TMEM116: variants seen among roughly 807,000 people sequenced by gnomAD.
TMEM116 encodes the protein transmembrane protein 116.
Under a neutral mutation model 44.3 loss-of-function variants are expected in TMEM116, and 38 were observed. The ratio of observed to expected loss-of-function variants is 0.86; its 90% CI spans 0.66 to 1.12. TMEM116 has a LOEUF of 1.12. Ranked by LOEUF, TMEM116 falls within the 50% of genes most tolerant of loss-of-function variation. The pLI is 0.00. For missense variants in TMEM116, 354 were observed against 401.7 expected (o/e 0.88, Z 1.01); for synonymous variants, 132 against 144.8 (o/e 0.91, Z 0.64).
intron 8 of TMEM116, chr12:111,936,228 G>A (rs2136231941): frequency 6.6e-6 from 1 of 152,600 alleles, no homozygotes; most frequent in Admixed American, 6.5e-5. Flanking sequence ...ATGAGTATCT[G>A]AAAACTTCAT....
intron 4 of TMEM116, among the ~76,000 whole-genome samples, chr12:111,952,366 C>T (rs1057382366): frequency 6.6e-6 from 1 of 152,104 alleles, no homozygotes; most frequent in Non-Finnish European, 1.5e-5. Context: ...AACAAAAAGT[C>T]TAAGATATTA....
intron 4 of TMEM116, among the ~76,000 whole-genome samples, chr12:111,990,260 A>T (rs910029757): frequency 7.0e-6 from 1 of 142,500 alleles, no homozygotes; most frequent in African/African-American, 2.7e-5. Flanking sequence ...GCCTCAAAAA[A>T]AAAAAAAAAG....
intron 1 of TMEM116, chr12:112,006,029 C>G (rs531618226): frequency 1.0e-6 from 1 of 980,020 alleles, no homozygotes; most frequent in Non-Finnish European, 1.2e-6. Flanking sequence ...CTTGAGCAGC[C>G]GATCCTTCCT....
At chr12:111,974,475 C>A (rs1386710192) in intron 4 of TMEM116, among the ~76,000 whole-genome samples, 1 of 151,852 alleles carries the variant, frequency 6.6e-6, no homozygotes, top group East Asian at 1.9e-4. Flanking sequence ...CATGGTAAAA[C>A]CCTGTCTCTA....
At chr12:111,941,527 C>A (rs994554308) in intron 5 of TMEM116, among the ~76,000 whole-genome samples, 3 of 152,052 alleles carry the variant, frequency 2.0e-5, no homozygotes, top group African/African-American at 7.2e-5. Context: ...ATTTAAAATT[C>A]AATTCCTCAA....
intron 3 of TMEM116, among the ~76,000 whole-genome samples, chr12:111,999,089 G>A (rs890193682): frequency 3.3e-5 from 5 of 151,626 alleles, no homozygotes; most frequent in African/African-American, 1.2e-4. Flanking sequence ...TATAATATAG[G>A]TCATGCTCTT....
rs543873887 is a variant in TMEM116, at chr12:111,943,302, A to G, written c.278T>C (p.Met93Thr). The G allele has an allele frequency of 6.2e-7, 1 of 1,614,052 alleles. No individual in the cohort carries two copies. The change falls in exon 5 of 11, where the codon ATG becomes ACG. Residue 93 changes from methionine to threonine, a missense_variant. Physicochemically the swap from Met to Thr is moderately conservative, Grantham distance 81. Transcript: ENST00000552374. ...YIWYLYTELR[M>T]KHTQSGQSTS... ...GCTCTGTCCACTCTGGGTGTGTTTCATCCTCAGCTCTGTGTACAAATACCA... is the reference window on the plus strand; with the variant it reads ...GCTCTGTCCACTCTGGGTGTGTTTCGTCCTCAGCTCTGTGTACAAATACCA...
Position 111,931,722 on chromosome 12 carries a change from G to C in TMEM116, c.913C>G (p.Gln305Glu), listed in dbSNP as rs765693215. 6.2e-7 allele frequency: 1 copy of C among 1,613,650 alleles called. No homozygotes were observed. Among genetic ancestry groups the C allele is most frequent in the East Asian group, 2.2e-5 (1 of 44,874 alleles). The change falls in exon 11 of 11, where the codon CAG (glutamine) becomes GAG (glutamate). Residue 305 changes from glutamine (Q) to glutamate (E), a missense_variant. Transcript: ENST00000552374. ...KQEARRDADT[Q>E]TPLLCSQKRF... is the part of the protein sequence containing the mutation. ...TTCTGTGAGCATAATAATGGTGTCTGGGTATCTGCATCACGCCGAGCCTCC... is the reference window on the plus strand; with the variant it reads ...TTCTGTGAGCATAATAATGGTGTCTCGGTATCTGCATCACGCCGAGCCTCC...
chr12:111,965,942 T>C (rs1483689772), intron 4 of TMEM116, among the ~76,000 whole-genome samples: 1 of 150,252 alleles, frequency 6.7e-6, no homozygotes. Flanking sequence ...TCTCAATAAA[T>C]AAATAAATAA....
intron 5 of TMEM116, among the ~76,000 whole-genome samples, chr12:111,942,768 A>ATG (rs559680771): frequency 2.0e-3 from 301 of 149,592 alleles, no homozygotes; most frequent in Non-Finnish European, 3.6e-3. Context: ...CTGTATGTGT[A>ATG]TGTGTGTGTG....
intron 1 of TMEM116, among the ~76,000 whole-genome samples, chr12:112,010,057 CCCT>C (rs141985327): frequency 0.015 from 2,209 of 152,272 alleles, 60 homozygotes; most frequent in African/African-American, 0.05. Flanking sequence ...CTTCAAGACT[CCCT>C]CCTATCTGAG....
intron 3 of TMEM116, chr12:111,993,194 C>A: frequency 2.2e-5 from 8 of 356,844 alleles, no homozygotes; most frequent in Admixed American, 9.5e-5. Context: ...CATTGTGTGG[C>A]TCTCGTGGGG....
In TMEM116 at chr12:111,938,148, G is replaced by GA; in HGVS notation, c.365+12dup. On this transcript the variant is annotated intron_variant, in intron 6 of 10. Coordinates refer to ENST00000552374, the MANE Select transcript of TMEM116 (RefSeq NM_001193531.2). ...AGTCTACACCTCGCTAAGAAGTAAA[G>GA]AAAAAATTTTACCTTGAGAAAACAA... 2 of 1,585,356 alleles carry GA rather than the reference G, an allele frequency of 1.3e-6. No homozygotes were observed. Among genetic ancestry groups the GA allele is most frequent in the Non-Finnish European group, 1.7e-6 (2 of 1,163,344 alleles).
chr12:112,008,338 G>A (rs1200424313), intron 1 of TMEM116, among the ~76,000 whole-genome samples: 1 of 152,054 alleles, frequency 6.6e-6, no homozygotes, highest in African/African-American at 2.4e-5. Context: ...AAAATTAGCT[G>A]GGTATGGTGG....
Position 112,009,535 on chromosome 12 carries a change from T to TAAAA in TMEM116, c.-34+3463_-34+3466dup, listed in dbSNP as rs35585213. On this transcript the variant is annotated intron_variant, in intron 1 of 10. Coordinates refer to ENST00000552374, the MANE Select transcript of TMEM116 (RefSeq NM_001193531.2). ...ACTGCTAAATCAGCATGGGTTTACT[T>TAAAA]AAAAAAAAAAAAAAAAAAAATGCTG... Among the ~76,000 whole-genome samples the TAAAA allele has an allele frequency of 3.1e-3, 393 of 125,802 alleles. 1 individual carries two copies. The highest frequency in any genetic ancestry group is 0.011 in the African/African-American group (380 of 33,974). The allele number at this position is 125,802 out of a possible 152,430, so 82.5% of individuals were successfully genotyped here.
At chr12:111,957,618 T>TG (rs1204332191) in intron 4 of TMEM116, among the ~76,000 whole-genome samples, 3 of 143,420 alleles carry the variant, frequency 2.1e-5, no homozygotes, top group Non-Finnish European at 3.0e-5. Context: ...GTCCGGGAGG[T>TG]GGGGGGCCCC....
chr12:111,957,452 T>G (rs2074215281), intron 4 of TMEM116, among the ~76,000 whole-genome samples: 1 of 149,952 alleles, frequency 6.7e-6, no homozygotes, highest in African/African-American at 2.5e-5. Flanking sequence ...GTCTGGGAAG[T>G]GAGGAGCGTC....
chr12:111,995,471 T>C (rs1234696976), intron 3 of TMEM116, among the ~76,000 whole-genome samples: 1 of 152,120 alleles, frequency 6.6e-6, no homozygotes, highest in Non-Finnish European at 1.5e-5. Context: ...AGGACGGGCA[T>C]GGTGGCTCAC....
chr12:111,969,053 G>A (rs1421067772), intron 4 of TMEM116, among the ~76,000 whole-genome samples: 2 of 151,216 alleles, frequency 1.3e-5, no homozygotes, highest in Non-Finnish European at 2.9e-5. Context: ...AGGCGCGGTG[G>A]CTCACGCCTG....
Sources: allele counts gnomAD v4.1 joint callset (sites outside exome capture counted in the v4.1 genomes callset), GRCh38; gene constraint gnomAD v4.1.1; transcripts MANE v1.5; gene names NCBI Gene and HGNC (gene_info 2026-07-23, HGNC 2026-07-21).